Variants in IGF2BP2 observed in about 807,000 individuals in gnomAD.
IGF2BP2 encodes the protein insulin-like growth factor 2 mRNA-binding protein 2.
IGF2BP2 carries 17 observed loss-of-function variants against 75.8 expected under a neutral mutation model. The ratio of observed to expected loss-of-function variants is 0.22; its 90% CI spans 0.15 to 0.34. IGF2BP2 has a LOEUF of 0.34. Among genes scored for constraint, IGF2BP2 ranks in the 10% least tolerant of loss-of-function variants. IGF2BP2 has a pLI of 1.00. For missense variants in IGF2BP2, 516 were observed against 772.4 expected, an observed-to-expected ratio of 0.67 and a Z score of 3.93; for synonymous variants, 288 against 295.6, an observed-to-expected ratio of 0.97 and a Z score of 0.26.
chr3:185,771,903 G>A (rs1000132929), intron 2 of IGF2BP2, among the ~76,000 whole-genome samples: 3 of 152,048 alleles, frequency 2.0e-5, no homozygotes, highest in African/African-American at 7.2e-5. Context: ...TCACAGAGGT[G>A]GGCTTCTGGA....
At position 185,769,806 on chromosome 3, in the gene IGF2BP2, G is replaced by T. The variant is rs537085559; in HGVS notation, c.239+53347C>A. ...GTCACTGCCACTGCACTCCCGCCTGGATGATAGAATGAGACCCTGTCTCCA... is the reference window on the plus strand; with the variant it reads ...GTCACTGCCACTGCACTCCCGCCTGTATGATAGAATGAGACCCTGTCTCCA... On this transcript the variant is annotated intron_variant, in intron 2 of 15. Coordinates refer to ENST00000382199, the MANE Select transcript of IGF2BP2 (RefSeq NM_006548.6). Among the ~76,000 whole-genome samples, 4 of 127,650 alleles carry T rather than the reference G, an allele frequency of 3.1e-5. No homozygotes were observed. In the South Asian group the frequency reaches 7.9e-4, roughly 25 times the overall value. 83.7% of individuals were successfully genotyped at this position (127,650 alleles called of 152,430 possible).
chr3:185,710,413 T>C (rs1560335050), intron 2 of IGF2BP2, among the ~76,000 whole-genome samples: 2 of 151,994 alleles, frequency 1.3e-5, no homozygotes, highest in Non-Finnish European at 2.9e-5. Flanking sequence ...TTTCCTCTGT[T>C]ACAGGAAGGG....
At chr3:185,781,581 C>T (rs1735205197) in intron 2 of IGF2BP2, among the ~76,000 whole-genome samples, 2 of 152,068 alleles carry the variant, frequency 1.3e-5, no homozygotes, top group Non-Finnish European at 2.9e-5. Context: ...TTCTTGAAGT[C>T]GGTTTAAGCA....
intron 2 of IGF2BP2, among the ~76,000 whole-genome samples, chr3:185,722,937 T>C (rs1726779083): frequency 6.6e-6 from 1 of 152,204 alleles, no homozygotes; most frequent in African/African-American, 2.4e-5. Flanking sequence ...AGCCTTCATT[T>C]TAATATAGAG....
At chr3:185,678,653 A>AGT (rs1166833039) in intron 7 of IGF2BP2, among the ~76,000 whole-genome samples, 3 of 152,142 alleles carry the variant, frequency 2.0e-5, no homozygotes, top group African/African-American at 7.2e-5. Context: ...GTTGGTCTAT[A>AGT]GTGTTGTTCC....
chr3:185,751,330 C>T (rs966489626), intron 2 of IGF2BP2, among the ~76,000 whole-genome samples: 1 of 152,194 alleles, frequency 6.6e-6, no homozygotes, highest in Non-Finnish European at 1.5e-5. Flanking sequence ...GTAATCCCAG[C>T]ACTTTGGGAG....
intron 2 of IGF2BP2, among the ~76,000 whole-genome samples, chr3:185,723,657 A>G (rs1209383957): frequency 6.6e-6 from 1 of 152,188 alleles, no homozygotes; most frequent in Non-Finnish European, 1.5e-5. Flanking sequence ...AGGCGCTGAG[A>G]GCTCCAAACT....
intron 7 of IGF2BP2, 64 bp from the exon 8 acceptor site, chr3:185,675,977 T>C: frequency 6.4e-7 from 1 of 1,563,638 alleles, no homozygotes; most frequent in Non-Finnish European, 8.6e-7. Flanking sequence ...CCAAAAACCA[T>C]TACCTTGCTT....
chr3:185,819,265 G>T (rs187893055), intron 2 of IGF2BP2, among the ~76,000 whole-genome samples: 17 of 151,982 alleles, frequency 1.1e-4, no homozygotes, highest in Admixed American at 3.3e-4. Flanking sequence ...ATGTTTAGGT[G>T]TTTAGCCATT....
intron 7 of IGF2BP2, among the ~76,000 whole-genome samples, chr3:185,681,767 T>G (rs1312631633): frequency 6.6e-6 from 1 of 152,142 alleles, no homozygotes; most frequent in Non-Finnish European, 1.5e-5. Context: ...AAATCCTGCG[T>G]ATAGTCTCCG....
chr3:185,809,635 G>C (rs952820424), intron 2 of IGF2BP2, among the ~76,000 whole-genome samples: 1 of 151,172 alleles, frequency 6.6e-6, no homozygotes, highest in African/African-American at 2.4e-5. Flanking sequence ...CTGTCAGAAA[G>C]AAAGGAAAGA....
intron 2 of IGF2BP2, among the ~76,000 whole-genome samples, chr3:185,751,931 C>G (rs867165923): frequency 2.0e-5 from 3 of 152,168 alleles, no homozygotes; most frequent in Middle Eastern, 3.4e-3. Context: ...CCACTGCACT[C>G]CAGCCTGGGC....
intron 2 of IGF2BP2, among the ~76,000 whole-genome samples, chr3:185,750,357 C>T (rs567914790): frequency 6.6e-6 from 1 of 152,294 alleles, no homozygotes. Context: ...TTATAAACCT[C>T]TCTAGACATT....
chr3:185,653,569 C>T (rs149088053), intron 12 of IGF2BP2, among the ~76,000 whole-genome samples: 1,566 of 151,656 alleles, frequency 0.01, 15 homozygotes, highest in Non-Finnish European at 0.017. Flanking sequence ...TGCAATGAGC[C>T]GAGATCAAAC....
chr3:185,785,232 T>C (rs1029438250), intron 2 of IGF2BP2, among the ~76,000 whole-genome samples: 5 of 145,910 alleles, frequency 3.4e-5, no homozygotes, highest in Admixed American at 1.4e-4. Context: ...ACCTGGGAGA[T>C]GGAGACTGTA....
At chr3:185,658,530 G>GT in intron 10 of IGF2BP2, 121 bp from the exon 11 acceptor site, 2 of 733,828 alleles carry the variant, frequency 2.7e-6, no homozygotes, top group Non-Finnish European at 4.6e-6. Flanking sequence ...CTCCACTGTC[G>GT]TGTCTACACG....
At chr3:185,722,744 T>C (rs1726756176) in intron 2 of IGF2BP2, among the ~76,000 whole-genome samples, 1 of 152,194 alleles carries the variant, frequency 6.6e-6, no homozygotes, top group Non-Finnish European at 1.5e-5. Context: ...GGTAGAGAAC[T>C]CTGGCCTGAT....
chr3:185,712,481 G>A (rs1724948879), intron 2 of IGF2BP2: 1 of 152,154 alleles, frequency 6.6e-6, no homozygotes, highest in Non-Finnish European at 1.5e-5. Flanking sequence ...ACACAATAGA[G>A]AAGCAGAGTG....
chr3:185,804,793 T>C (rs1023358615), intron 2 of IGF2BP2, among the ~76,000 whole-genome samples: 1 of 151,804 alleles, frequency 6.6e-6, no homozygotes, highest in South Asian at 2.1e-4. Context: ...ATCGAGACCA[T>C]CCTGGCTAAC....
Sources: allele counts gnomAD v4.1 joint callset (sites outside exome capture counted in the v4.1 genomes callset), GRCh38; gene constraint gnomAD v4.1.1; transcripts MANE v1.5; gene names NCBI Gene and HGNC (gene_info 2026-07-23, HGNC 2026-07-21).